The following KDM5B variants were observed in gnomAD, a reference collection of about 807,000 sequenced individuals.
KDM5B encodes lysine demethylase 5B, also known as lysine-specific demethylase 5B.
A neutral mutation model predicts 193.4 loss-of-function variants in KDM5B; 144 were observed. That is an observed-to-expected ratio of 0.74 (90% CI 0.65 to 0.86). The LOEUF is 0.86. KDM5B is among the 40% of genes least tolerant of loss of function. KDM5B has a pLI of 0.00. For missense variants in KDM5B, 1,833 were observed against 1,886.9 expected (o/e 0.97, Z 0.53); for synonymous variants, 668 against 682.6 (o/e 0.98, Z 0.33).
At position 202,792,514 on chromosome 1, in the gene KDM5B, G is replaced by A. The variant is rs112377214; in HGVS notation, c.205-15420C>T. On this transcript the variant is annotated intron_variant, in intron 1 of 26. Transcript: ENST00000367265. ...AGTGGTCACTGGAGTTGATGAGCCA[G>A]GAGTTTACATATAAATGAGCCAACA... 1.3e-3 allele frequency among the ~76,000 whole-genome samples: 195 copies of A among 152,258 alleles called. 1 individual carries two copies. The highest frequency in any genetic ancestry group is 6.8e-3 in the Middle Eastern group (2 of 294).
chr1:202,745,757 G>A, intron 16 of KDM5B, 101 bp downstream of exon 16: 1 of 1,336,678 alleles, frequency 7.5e-7, no homozygotes, highest in South Asian at 1.2e-5. Flanking sequence ...AACCAAGGAT[G>A]AGGTCAGGCT....
In KDM5B at chr1:202,729,077, A is replaced by T; in HGVS notation, c.4594T>A (p.Cys1532Ser). The change falls in exon 27 of 27, where the codon TGT becomes AGT. Residue 1532 changes from cysteine to serine, a missense_variant. Coordinates refer to ENST00000367265, the MANE Select transcript of KDM5B (RefSeq NM_006618.5). ...GCGTCCTTCACAGTACAGCGCACAC[A>T]GATGTAGTCTTCTTTCTCTGCCATC... ...PEMAEKEDYICVRCTVKDAPS... is the reference protein window; with the variant it reads ...PEMAEKEDYISVRCTVKDAPS... The T allele has an allele frequency of 6.2e-7, 1 of 1,614,102 alleles. No individual in the cohort carries two copies. Among genetic ancestry groups the T allele is most frequent in the Non-Finnish European group, 8.5e-7 (1 of 1,179,990 alleles).
In KDM5B at chr1:202,761,133, G is replaced by T. The variant is rs1656232736; in HGVS notation, c.919-560C>A. ...ATATTTAAAACAAAACTGTCTTAAA[G>T]TTAACCACATTAAACTACCAATTTA... On this transcript the variant is annotated intron_variant, in intron 7 of 26. Transcript: ENST00000367265. 2.0e-5 allele frequency among the ~76,000 whole-genome samples: 3 copies of T among 152,102 alleles called. No individual in the cohort carries two copies. The South Asian group carries it at 6.2e-4, about 32-fold the overall frequency.
At chr1:202,792,311 A>G (rs1657673461) in intron 1 of KDM5B, among the ~76,000 whole-genome samples, 1 of 149,678 alleles carries the variant, frequency 6.7e-6, no homozygotes, top group African/African-American at 2.5e-5. Context: ...TACCTAAACC[A>G]GTGGGTCTCA....
chr1:202,784,377 G>A (rs1004180509), intron 1 of KDM5B, among the ~76,000 whole-genome samples: 1 of 152,024 alleles, frequency 6.6e-6, no homozygotes. Context: ...CATCAACTAA[G>A]GACCAAAGCA....
intron 26 of KDM5B, 72 bp downstream of exon 26, chr1:202,729,631 CAGCG>C (rs1654799426): frequency 1.6e-6 from 2 of 1,258,572 alleles, no homozygotes; most frequent in South Asian, 2.9e-5. Context: ...GAGAAAGACC[CAGCG>C]AGATGAGGTC....
At chr1:202,758,178 G>A (rs1311782867) in intron 9 of KDM5B, among the ~76,000 whole-genome samples, 1 of 152,304 alleles carries the variant, frequency 6.6e-6, no homozygotes, top group South Asian at 2.1e-4. Flanking sequence ...CTGTGTGGAA[G>A]AGGTATCTTT....
intron 23 of KDM5B, 103 bp from the exon 24 acceptor site, chr1:202,732,042 G>GGA: frequency 2.6e-5 from 10 of 378,996 alleles, no homozygotes; most frequent in Non-Finnish European, 4.7e-5. Flanking sequence ...GCAACCAGGG[G>GGA]AAAAAAAAAA....
In KDM5B at chr1:202,756,393, G is replaced by A. The variant is rs527951173; in HGVS notation, c.1321C>T (p.Arg441Ter). The A allele has an allele frequency of 6.2e-6, 10 of 1,612,040 alleles. No individual in the cohort carries two copies. Among genetic ancestry groups the A allele is most frequent in the Admixed American group, 1.7e-5 (1 of 59,704 alleles). ...GGTGAGAGTTTGATTTTCCCATCTC[G>A]GACAGGAAAGCCACTGCCAAATTCC... is the stretch of plus-strand genomic sequence containing the variant. Reference protein sequence around the residue: ...SKEFGSGFPVRDGKIKLSPEE... With the variant: ...SKEFGSGFPV The change falls in exon 10 of 27, where the codon CGA becomes TGA. Residue 441 changes from arginine (R) to a stop codon, truncating the protein, a stop_gained. Transcript: ENST00000367265. LOFTEE classifies it high-confidence loss of function.
At position 202,733,679 on chromosome 1, in the gene KDM5B, G is replaced by C. The variant is rs1317398237; in HGVS notation, c.3631C>G (p.Gln1211Glu). ...TSCVAVPSIS[Q>E]GLRIWLCPHC... ...GGACAAAGCCAGATTCGCAGGCCCT[G>C]TGAAATACTGGGTACCGCCACACAA... The change falls in exon 23 of 27, where the codon CAG becomes GAG. Residue 1211 changes from glutamine to glutamate, a missense_variant. Physicochemically the swap from Gln to Glu is conservative, Grantham distance 29. Transcript: ENST00000367265. 3 of 1,614,164 alleles carry C rather than the reference G, an allele frequency of 1.9e-6. No individual in the cohort carries two copies. Among genetic ancestry groups the C allele is most frequent in the Non-Finnish European group, 2.5e-6 (3 of 1,180,020 alleles).
intron 5 of KDM5B, chr1:202,766,462 C>T (rs895890150): frequency 7.4e-5 from 30 of 405,006 alleles, no homozygotes; most frequent in East Asian, 5.0e-4. Context: ...GCCAAGATCG[C>T]GCCACTGCAC....
At chr1:202,779,159 G>C (rs185654620) in intron 1 of KDM5B, among the ~76,000 whole-genome samples, 484 of 152,094 alleles carry the variant, frequency 3.2e-3, no homozygotes, top group Non-Finnish European at 5.8e-3. Context: ...ATTTCAGATT[G>C]TGTGAATATA....
intron 23 of KDM5B, among the ~76,000 whole-genome samples, chr1:202,733,089 A>G (rs1013441254): frequency 1.3e-5 from 2 of 152,232 alleles, no homozygotes; most frequent in African/African-American, 2.4e-5. Context: ...TTAAAGATAC[A>G]TCATATACGT....
At chr1:202,778,213 T>C (rs767001691) in intron 1 of KDM5B, among the ~76,000 whole-genome samples, 2 of 152,092 alleles carry the variant, frequency 1.3e-5, no homozygotes, top group African/African-American at 4.8e-5. Context: ...TATACTCGTA[T>C]AGACAACTGT....
intron 1 of KDM5B, among the ~76,000 whole-genome samples, chr1:202,807,874 T>C (rs908296014): frequency 2.6e-5 from 4 of 151,628 alleles, no homozygotes; most frequent in African/African-American, 7.3e-5. Context: ...GGCCCTCCCA[T>C]GGCACCGCCG....
At chr1:202,732,708 G>GT (rs1397695337) in intron 23 of KDM5B, among the ~76,000 whole-genome samples, 1 of 152,022 alleles carries the variant, frequency 6.6e-6, no homozygotes, top group Admixed American at 6.6e-5. Flanking sequence ...GAGAGTTGTG[G>GT]TATCTCTGGT....
rs565062587 is a variant in KDM5B, at chr1:202,781,379, T to C, written c.205-4285A>G. Among the ~76,000 whole-genome samples, 3 of 152,358 alleles carry C rather than the reference T, an allele frequency of 2.0e-5. No homozygotes were observed. The South Asian group carries it at 6.2e-4, about 32-fold the overall frequency. On this transcript the variant is annotated intron_variant, in intron 1 of 26. Transcript: ENST00000367265. The stretch of plus-strand genomic sequence containing the variant: ...AATAAAAATGCCCGCCGGTGATGCA[T>C]GATAAAATGTTAAGCTAAAAAGCAA...
chr1:202,778,571 C>CA (rs1265331151), intron 1 of KDM5B, among the ~76,000 whole-genome samples: 1 of 151,748 alleles, frequency 6.6e-6, no homozygotes, highest in African/African-American at 2.4e-5. Flanking sequence ...ATGAAAAAAG[C>CA]AAAAAAGGAA....
intron 1 of KDM5B, among the ~76,000 whole-genome samples, chr1:202,783,019 G>A (rs1252785335): frequency 6.6e-6 from 1 of 152,220 alleles, no homozygotes; most frequent in Non-Finnish European, 1.5e-5. Context: ...GCCAAGGCAG[G>A]AGGATCACCT....
Sources: gnomAD v4.1 joint callset for allele counts (sites outside exome capture counted in the v4.1 genomes callset) on GRCh38, gnomAD v4.1.1 for gene constraint, MANE v1.5 for transcripts, NCBI Gene and HGNC (gene_info 2026-07-23, HGNC 2026-07-21) for gene names.